The following LPAR1 variants were observed in gnomAD, a reference collection of about 807,000 sequenced individuals.
LPAR1 encodes the protein LPA receptor 1.
Under a neutral mutation model 23.8 loss-of-function variants are expected in LPAR1, and 5 were observed. The observed-to-expected ratio is 0.21, with a 90% CI of 0.11 to 0.44. LPAR1 has a LOEUF of 0.44. Among genes scored for constraint, LPAR1 ranks in the 20% least tolerant of loss-of-function variants. The pLI, the probability that LPAR1 is intolerant of heterozygous loss-of-function variation, is 0.99. For synonymous variants in LPAR1, 160 were observed against 164.7 expected (o/e 0.97, Z 0.22); for missense variants, 311 against 482.8 (o/e 0.64, Z 3.33).
chr9:110,987,449 C>T (rs1588699424), intron 2 of LPAR1, among the ~76,000 whole-genome samples: 5 of 151,354 alleles, frequency 3.3e-5, no homozygotes, highest in Admixed American at 2.0e-4. Flanking sequence ...ACTCCCTGGC[C>T]CCCTACTCAC....
chr9:110,996,253 T>A (rs975141864), intron 2 of LPAR1, among the ~76,000 whole-genome samples: 9 of 152,030 alleles, frequency 5.9e-5, no homozygotes, highest in African/African-American at 2.2e-4. Context: ...TAAGGCATTA[T>A]GACATTAGAA....
At chr9:110,999,497 A>G in intron 2 of LPAR1, 1 of 454,488 alleles carries the variant, frequency 2.2e-6, no homozygotes, top group South Asian at 1.6e-5. Context: ...CACTTGTCTT[A>G]GTCAGTTCAG....
intron 4 of LPAR1, among the ~76,000 whole-genome samples, chr9:110,952,579 G>T (rs778191272): frequency 1.3e-5 from 2 of 152,244 alleles, no homozygotes; most frequent in African/African-American, 2.4e-5. Context: ...TGCTGCCCAC[G>T]ATAGCAGGGC....
intron 5 of LPAR1, among the ~76,000 whole-genome samples, chr9:110,918,570 C>T (rs534752094): frequency 6.6e-6 from 1 of 152,028 alleles, no homozygotes; most frequent in African/African-American, 2.4e-5. Context: ...TTCTAGCCAT[C>T]CTTGAGGTGA....
intron 4 of LPAR1, among the ~76,000 whole-genome samples, chr9:110,963,362 G>A (rs887443128): frequency 3.9e-5 from 6 of 152,152 alleles, no homozygotes; most frequent in African/African-American, 1.4e-4. Context: ...ATAGAAACAT[G>A]GTTCAAGATG....
At chr9:110,914,576 A>G (rs2092850214) in intron 5 of LPAR1, among the ~76,000 whole-genome samples, 2 of 152,320 alleles carry the variant, frequency 1.3e-5, no homozygotes, top group Admixed American at 1.3e-4. Flanking sequence ...CAGCCAAACT[A>G]TATCAGTCTT....
chr9:110,948,487 CAT>C (rs1399909479), intron 4 of LPAR1, among the ~76,000 whole-genome samples: 21 of 152,100 alleles, frequency 1.4e-4, no homozygotes, highest in Non-Finnish European at 1.3e-4. Flanking sequence ...GTGATATACA[CAT>C]ATGCAAAAAG....
chr9:110,939,002 C>G (rs188601160), intron 5 of LPAR1, among the ~76,000 whole-genome samples: 1 of 152,180 alleles, frequency 6.6e-6, no homozygotes, highest in Non-Finnish European at 1.5e-5. Context: ...TACACTGTTA[C>G]GCTAACAAAC....
At chr9:110,892,864 G>GGCAGGCAGGCAGGCAGGCAC in intron 5 of LPAR1, among the ~76,000 whole-genome samples, 1 of 87,984 alleles carries the variant, frequency 1.1e-5, no homozygotes, top group Admixed American at 1.5e-4. Flanking sequence ...CAGGCAGGCA[G>GGCAGGCAGGCAGGCAGGCAC]GCATGCAGGC....
At chr9:110,877,211 A>C (rs1295528849) in intron 5 of LPAR1, among the ~76,000 whole-genome samples, 1 of 152,218 alleles carries the variant, frequency 6.6e-6, no homozygotes, top group Non-Finnish European at 1.5e-5. Flanking sequence ...TTTGAATCTG[A>C]GCTTTCTTTT....
At chr9:111,014,959 T>C (rs1161918700) in intron 2 of LPAR1, among the ~76,000 whole-genome samples, 3 of 150,706 alleles carry the variant, frequency 2.0e-5, no homozygotes, top group African/African-American at 4.9e-5. Context: ...TATAAAGAGG[T>C]AATTAAGTTA....
At chr9:110,934,885 T>C (rs1331501655) in intron 5 of LPAR1, among the ~76,000 whole-genome samples, 1 of 151,432 alleles carries the variant, frequency 6.6e-6, no homozygotes, top group African/African-American at 2.4e-5. Context: ...GAGCACAAAC[T>C]TAATATAAAA....
intron 2 of LPAR1, among the ~76,000 whole-genome samples, chr9:111,035,841 T>C (rs934814109): frequency 1.2e-4 from 18 of 152,234 alleles, no homozygotes; most frequent in Non-Finnish European, 2.5e-4. Flanking sequence ...TGATACAGTG[T>C]ATTCTGCCCA....
At chr9:110,901,954 G>A (rs2089263281) in intron 5 of LPAR1, among the ~76,000 whole-genome samples, 1 of 151,990 alleles carries the variant, frequency 6.6e-6, no homozygotes, top group Non-Finnish European at 1.5e-5. Flanking sequence ...TGGACAAGAT[G>A]GTACAGATAC....
intron 2 of LPAR1, among the ~76,000 whole-genome samples, chr9:111,005,238 G>T (rs924700599): frequency 3.3e-5 from 5 of 149,640 alleles, no homozygotes; most frequent in Non-Finnish European, 5.9e-5. Context: ...CTCCTGCAAT[G>T]ATCTAACAAA....
intron 2 of LPAR1, among the ~76,000 whole-genome samples, chr9:111,032,522 AG>A (rs1415818179): frequency 2.0e-5 from 3 of 152,174 alleles, no homozygotes; most frequent in Non-Finnish European, 2.9e-5. Context: ...GCAGGCAGTC[AG>A]TTAAGTGCTC....
chr9:110,896,497 T>C (rs1453305297), intron 5 of LPAR1, among the ~76,000 whole-genome samples: 2 of 152,214 alleles, frequency 1.3e-5, no homozygotes, highest in Non-Finnish European at 2.9e-5. Context: ...TTACACCTTA[T>C]TTTGTGTTTT....
intron 5 of LPAR1, among the ~76,000 whole-genome samples, chr9:110,912,663 C>G (rs1313364150): frequency 6.6e-6 from 1 of 152,140 alleles, no homozygotes; most frequent in East Asian, 1.9e-4. Context: ...TAAATTTGAA[C>G]AAACTATTGA....
chr9:111,009,250 G>A (rs2140471706), intron 2 of LPAR1, among the ~76,000 whole-genome samples: 1 of 152,128 alleles, frequency 6.6e-6, no homozygotes, highest in Admixed American at 6.6e-5. Flanking sequence ...CAGTAGGTGA[G>A]TAATACAGCT....
Sources: gnomAD v4.1 joint callset for allele counts (sites outside exome capture counted in the v4.1 genomes callset) on GRCh38, gnomAD v4.1.1 for gene constraint, MANE v1.5 for transcripts, NCBI Gene and HGNC (gene_info 2026-07-23, HGNC 2026-07-21) for gene names.